ZNF717: variants seen among roughly 807,000 people sequenced by gnomAD.
The protein encoded by ZNF717 is krueppel-like factor X17.
ZNF717 carries 9 observed loss-of-function variants against 13.8 expected under a neutral mutation model. The ratio of observed to expected loss-of-function variants is 0.65; its 90% CI spans 0.39 to 1.14. ZNF717 has a LOEUF of 1.14. ZNF717 is among the 50% of genes most tolerant of loss of function. The probability of loss-of-function intolerance (pLI) is 0.01; values close to 1 mark genes in which losing one functional copy is unlikely to be tolerated. For synonymous variants in ZNF717, 327 were observed against 364.1 expected (o/e 0.90, Z 1.16); for missense variants, 1,040 against 1,080.7 (o/e 0.96, Z 0.53).
intron 4 of ZNF717, among the ~76,000 whole-genome samples, chr3:75,724,003 A>G (rs1187709628): frequency 1.1e-3 from 164 of 152,080 alleles, no homozygotes; most frequent in African/African-American, 3.6e-3. Flanking sequence ...TCTAGATAGC[A>G]GTAGCAGAAT....
At chr3:75,768,304 CG>C (rs1417555286) in intron 2 of ZNF717, among the ~76,000 whole-genome samples, 1 of 58,722 alleles carries the variant, frequency 1.7e-5, no homozygotes, top group African/African-American at 5.8e-5. Flanking sequence ...CTGAGTGTGT[CG>C]GGGGGCAGAT....
rs1445595251 is a variant in ZNF717, at chr3:75,741,309, T to C, written c.244A>G (p.Ile82Val). The C allele has an allele frequency of 1.3e-6, 2 of 1,549,216 alleles. No individual in the cohort carries two copies. The highest frequency in any genetic ancestry group is 8.7e-7 in the Non-Finnish European group (1 of 1,144,776). ...FKLEQGAEPW[I>V]VEETPNLRLS... ...CTCAGGTTTGGGGTTTCTTCTACTA[T>C]CCATGGCTCTGCTCCTTGCTCTAGC... Residue 82 changes from isoleucine to valine, a missense_variant, in exon 4 of 5, where the codon ATA (isoleucine) becomes GTA (valine). Around this residue, in one of 3 missense-constraint regions of ZNF717, gnomAD observed 123 missense variants for 177.8 expected, o/e 0.69. Coordinates refer to ENST00000652011, the MANE Select transcript of ZNF717 (RefSeq NM_001290208.3).
intron 5 of ZNF717, among the ~76,000 whole-genome samples, chr3:75,712,070 C>T (rs1937949859): frequency 6.6e-6 from 1 of 152,224 alleles, no homozygotes; most frequent in Non-Finnish European, 1.5e-5. Flanking sequence ...ACCATCAGGA[C>T]ATAACAGCAG....
chr3:75,720,186 A>C (rs1938141381), intron 4 of ZNF717, among the ~76,000 whole-genome samples: 1 of 152,078 alleles, frequency 6.6e-6, no homozygotes, highest in South Asian at 2.1e-4. Flanking sequence ...ATTCTACCCA[A>C]AGACACATAC....
intron 2 of ZNF717, among the ~76,000 whole-genome samples, chr3:75,752,433 A>G (rs1299366767): frequency 5.4e-5 from 8 of 148,138 alleles, no homozygotes; most frequent in Non-Finnish European, 8.9e-5. Context: ...AGATTCCAGC[A>G]CACTGCTATG....
At chr3:75,719,755 G>A (rs1191935550) in intron 4 of ZNF717, among the ~76,000 whole-genome samples, 3 of 152,000 alleles carry the variant, frequency 2.0e-5, no homozygotes, top group East Asian at 1.9e-4. Context: ...TCAGGAGTTC[G>A]AGATCATCCT....
chr3:75,738,843 T>C lies in ZNF717; in HGVS notation c.780A>G (p.Gly260=), dbSNP rs1172658407. ...AVIVQVITQV[G]QPTCCRKSDF... The stretch of plus-strand genomic sequence containing the variant: ...CAGACTTTCTACAGCAAGTTGGCTG[T>C]CCTACCTGAGTTATCACTTGGACAA... The change falls in exon 5 of 5, where the codon GGA becomes GGG. Residue 260 remains glycine (G), a synonymous_variant. Coordinates refer to ENST00000652011, the MANE Select transcript of ZNF717 (RefSeq NM_001290208.3). 10 of 1,551,644 alleles carry C rather than the reference T, an allele frequency of 6.4e-6. No individual in the cohort carries two copies. Among genetic ancestry groups the C allele is most frequent in the Middle Eastern group, 3.3e-4 (2 of 5,992 alleles).
At position 75,737,115 on chromosome 3, in the gene ZNF717, G is replaced by A. The variant is rs768783452; in HGVS notation, c.2508C>T (p.His836=). The A allele has an allele frequency of 1.7e-4, 274 of 1,571,470 alleles. No individual in the cohort carries two copies. In the African/African-American group the frequency reaches 3.0e-3, roughly 17 times the overall value. Residue 836 remains histidine, a synonymous_variant, in exon 5 of 5, where the codon CAC becomes CAT. Coordinates refer to ENST00000652011, the MANE Select transcript of ZNF717 (RefSeq NM_001290208.3). ...TACATCTAAAGGGTTTTTCCCCTGT[G>A]TGAGTTCTGTGATGTACAAAGAGTT... ...KSKLFVHHRT[H]TGEKPFRCNE...
chr3:75,735,776 T>C (rs1247426040), downstream of ZNF717: 23 of 150,950 alleles, frequency 1.5e-4, 1 homozygote, highest in African/African-American at 5.6e-4. Flanking sequence ...TATGGCAAAA[T>C]TAATCCAACT....
chr3:75,761,370 G>T (rs1248032969), intron 2 of ZNF717, among the ~76,000 whole-genome samples: 1 of 152,242 alleles, frequency 6.6e-6, no homozygotes, highest in South Asian at 2.1e-4. Context: ...GTAATAGATG[G>T]AAACTCCTCA....
intron 5 of ZNF717, among the ~76,000 whole-genome samples, chr3:75,715,164 A>T (rs1426121757): frequency 5.3e-5 from 8 of 152,232 alleles, no homozygotes; most frequent in Admixed American, 1.3e-4. Flanking sequence ...TTGACTTTTT[A>T]AGAAACTTTT....
At chr3:75,773,278 T>C (rs1433996144) in intron 2 of ZNF717, among the ~76,000 whole-genome samples, 1 of 152,258 alleles carries the variant, frequency 6.6e-6, no homozygotes, top group South Asian at 2.1e-4. Context: ...GGATCCTTAA[T>C]TTCTGGAAAA....
At chr3:75,765,233 G>T (rs530864833) in intron 2 of ZNF717, among the ~76,000 whole-genome samples, 2 of 151,630 alleles carry the variant, frequency 1.3e-5, no homozygotes, top group Admixed American at 6.6e-5. Flanking sequence ...GAAGGAGGGG[G>T]AAATTAATAG....
At position 75,747,991 on chromosome 3, in the gene ZNF717, T is replaced by TA. The variant is rs1941335732; in HGVS notation, c.58-6256dup. On this transcript the variant is annotated intron_variant, in intron 2 of 4. Transcript: ENST00000652011. ...AGAGAGAAGAATCAAATATACGCAA[T>TA]AAAAAATGATAAAGGGGACAGCACC... Among the ~76,000 whole-genome samples the TA allele has an allele frequency of 2.0e-5, 3 of 152,030 alleles. No homozygotes were observed. In the South Asian group the frequency reaches 6.2e-4, roughly 32 times the overall value.
intron 1 of ZNF717, among the ~76,000 whole-genome samples, chr3:75,783,693 A>C (rs1023011693): frequency 6.6e-6 from 1 of 152,240 alleles, no homozygotes; most frequent in Non-Finnish European, 1.5e-5. Flanking sequence ...TAAGTTCACT[A>C]AAATAAATGT....
At chr3:75,717,255 AT>A (rs1938074095) in intron 4 of ZNF717, among the ~76,000 whole-genome samples, 1 of 152,276 alleles carries the variant, frequency 6.6e-6, no homozygotes, top group African/African-American at 2.4e-5. Context: ...TGTGATAGGT[AT>A]GTCAACAAAT....
chr3:75,748,129 C>T (rs778767493), intron 2 of ZNF717, among the ~76,000 whole-genome samples: 225 of 152,244 alleles, frequency 1.5e-3, no homozygotes, highest in Non-Finnish European at 2.2e-3. Context: ...TAAACCCTTC[C>T]AAGACTAAAC....
At chr3:75,725,999 C>T (rs796939259), downstream of ZNF717, among the ~76,000 whole-genome samples, 1 of 152,348 alleles carries the variant, frequency 6.6e-6, no homozygotes, top group South Asian at 2.1e-4. Flanking sequence ...CTGATCTAGA[C>T]TCAGATGGCT....
intron 6 of ZNF717, among the ~76,000 whole-genome samples, chr3:75,699,822 T>C (rs1409770334): frequency 2.0e-5 from 3 of 152,308 alleles, no homozygotes; most frequent in Non-Finnish European, 4.4e-5. Context: ...AATCAACATA[T>C]ACAAATCAGT....
Sources: gnomAD v4.1 joint callset for allele counts (sites outside exome capture counted in the v4.1 genomes callset) on GRCh38, gnomAD v4.1.1 for gene constraint, gnomAD v4.1.1 regional missense constraint, MANE v1.5 for transcripts, NCBI Gene and HGNC (gene_info 2026-07-23, HGNC 2026-07-21) for gene names.